PLPP3: variants seen among roughly 807,000 people sequenced by gnomAD.
The protein encoded by PLPP3 is PAP2 beta.
A neutral mutation model predicts 29.6 loss-of-function variants in PLPP3; 6 were observed. The observed-to-expected ratio is 0.20, with a 90% CI of 0.11 to 0.40. The LOEUF (loss-of-function observed/expected upper bound fraction) is 0.40. Ranked by LOEUF, PLPP3 falls within the 10% of genes least tolerant of loss-of-function variation. The pLI, the probability that PLPP3 is intolerant of heterozygous loss-of-function variation, is 1.00. For synonymous variants in PLPP3, 152 were observed against 159.7 expected, an observed-to-expected ratio of 0.95 and a Z score of 0.36; for missense variants, 308 against 407.7, an observed-to-expected ratio of 0.76 and a Z score of 2.11.
chr1:56,501,285 A>G (rs1645666396), intron 5 of PLPP3, among the ~76,000 whole-genome samples: 2 of 152,116 alleles, frequency 1.3e-5, no homozygotes, highest in African/African-American at 4.8e-5. Flanking sequence ...AAATCTTTGC[A>G]CTTATTCCCA....
chr1:56,499,459 C>T (rs1645651938), intron 5 of PLPP3, among the ~76,000 whole-genome samples: 1 of 152,122 alleles, frequency 6.6e-6, no homozygotes, highest in Non-Finnish European at 1.5e-5. Flanking sequence ...AGCTTTGAGC[C>T]CTGTACACAA....
intron 1 of PLPP3, among the ~76,000 whole-genome samples, chr1:56,557,022 G>GAAGGAAAGAAAGAAA (rs1366799695): frequency 7.7e-5 from 1 of 13,058 alleles, no homozygotes; most frequent in African/African-American, 2.0e-4. Context: ...GAGAGAGAGA[G>GAAGGAAAGAAAGAAA]AGAAAGAGAG....
chr1:56,565,610 A>G (rs555633714), intron 1 of PLPP3, among the ~76,000 whole-genome samples: 47 of 152,128 alleles, frequency 3.1e-4, no homozygotes, highest in Admixed American at 2.3e-3. Context: ...TATTAGAGAC[A>G]GGGTTTCACC....
intron 1 of PLPP3, among the ~76,000 whole-genome samples, chr1:56,567,179 C>A (rs1197759898): frequency 1.3e-5 from 2 of 152,116 alleles, no homozygotes; most frequent in Admixed American, 6.5e-5. Context: ...TAGCTGACCA[C>A]CCAGCATCGA....
At chr1:56,547,118 A>AT (rs1482081329) in intron 1 of PLPP3, among the ~76,000 whole-genome samples, 1 of 152,200 alleles carries the variant, frequency 6.6e-6, no homozygotes, top group African/African-American at 2.4e-5. Context: ...TCTTAATGTC[A>AT]TTTGTTTTCA....
intron 2 of PLPP3, among the ~76,000 whole-genome samples, chr1:56,530,562 C>T (rs1193355988): frequency 1.3e-5 from 2 of 152,218 alleles, no homozygotes; most frequent in Non-Finnish European, 2.9e-5. Context: ...ATCTTAGACT[C>T]CTTCCTCTCC....
intron 1 of PLPP3, among the ~76,000 whole-genome samples, chr1:56,545,926 C>T (rs1646002771): frequency 6.6e-6 from 1 of 152,086 alleles, no homozygotes. Flanking sequence ...CCTGCAAGAA[C>T]AAAATCACCC....
In PLPP3 at chr1:56,578,940, G is replaced by A. The variant is rs1265429227; in HGVS notation, c.77C>T (p.Pro26Leu). ...NGGSPALNNN[P>L]RRSGSKRVLL... ...CACCCGCTTGCTGCCGCTCCTCCTC[G>A]GGTTGTTGTTGAGCGCCGGGCTGCC... Residue 26 changes from proline (P) to leucine (L), a missense_variant, in exon 1 of 6, where the codon CCG becomes CTG. By Grantham distance (98) the Pro-to-Leu change is moderately conservative. Transcript: ENST00000371250. The A allele has an allele frequency of 1.9e-6, 3 of 1,606,134 alleles. No individual in the cohort carries two copies. Among genetic ancestry groups the A allele is most frequent in the South Asian group, 2.2e-5 (2 of 90,704 alleles).
chr1:56,552,605 A>T (rs1412147814), intron 1 of PLPP3, among the ~76,000 whole-genome samples: 2 of 152,172 alleles, frequency 1.3e-5, no homozygotes, highest in African/African-American at 4.8e-5. Context: ...TGGTTCTCAT[A>T]GAAAAATTGA....
chr1:56,530,582 T>C (rs1281487430), intron 2 of PLPP3, among the ~76,000 whole-genome samples: 1 of 152,212 alleles, frequency 6.6e-6, no homozygotes, highest in Non-Finnish European at 1.5e-5. Flanking sequence ...CCTTATCCCA[T>C]TGTCCATCCG....
At chr1:56,533,346 C>G (rs942060951) in intron 2 of PLPP3, among the ~76,000 whole-genome samples, 1 of 152,074 alleles carries the variant, frequency 6.6e-6, no homozygotes, top group Non-Finnish European at 1.5e-5. Context: ...TTTGCCTGCT[C>G]GAGATGGGGT....
At chr1:56,525,123 C>A (rs1331579598) in intron 2 of PLPP3, among the ~76,000 whole-genome samples, 1 of 152,190 alleles carries the variant, frequency 6.6e-6, no homozygotes, top group Non-Finnish European at 1.5e-5. Context: ...CAGCAATAAT[C>A]TACATCCTCC....
At chr1:56,522,953 A>C (rs958035760) in intron 4 of PLPP3, among the ~76,000 whole-genome samples, 1 of 152,198 alleles carries the variant, frequency 6.6e-6, no homozygotes. Flanking sequence ...TCTGTCCAGC[A>C]GCTGGAGGCA....
In PLPP3 at chr1:56,524,488, A is replaced by G; in HGVS notation, c.364T>C (p.Tyr122His). ...KKSRSTIQNP[Y>H]VAALYKQVGC... The stretch of plus-strand genomic sequence containing the variant: ...ACTTGCTTATAGAGTGCTGCCACGT[A>G]GGGGTTCTGAATCGTCGACCGCGAC... The change falls in exon 3 of 6, where the codon TAC becomes CAC. Residue 122 changes from tyrosine to histidine, a missense_variant. Coordinates refer to ENST00000371250, the MANE Select transcript of PLPP3 (RefSeq NM_003713.5). This position sits in a 1 kb window ranked among gnomAD's most constrained non-coding sequence, Gnocchi z 4.3. The G allele has an allele frequency of 6.2e-7, 1 of 1,613,996 alleles. No homozygotes were observed. Among genetic ancestry groups the G allele is most frequent in the Non-Finnish European group, 8.5e-7 (1 of 1,179,874 alleles).
chr1:56,531,721 G>C (rs1217071561), intron 2 of PLPP3, among the ~76,000 whole-genome samples: 1 of 152,214 alleles, frequency 6.6e-6, no homozygotes, highest in Non-Finnish European at 1.5e-5. Flanking sequence ...AACAGATCTA[G>C]GTTTTAATTC....
At chr1:56,554,503 C>A (rs1010530333) in intron 1 of PLPP3, among the ~76,000 whole-genome samples, 1 of 149,030 alleles carries the variant, frequency 6.7e-6, no homozygotes, top group Non-Finnish European at 1.5e-5. Context: ...ACCCGGGAGG[C>A]GGAGCTTGCA....
chr1:56,538,959 C>CAAAAAAAAAAAAGAAAAAAAAA (rs752979162), intron 1 of PLPP3: 1 of 96,526 alleles, frequency 1.0e-5, no homozygotes, highest in Non-Finnish European at 2.0e-5. Context: ...TTCTGGGCTG[C>CAAAAAAAAAAAAGAAAAAAAAA]AAAAAAAAAA....
intron 1 of PLPP3, among the ~76,000 whole-genome samples, chr1:56,566,308 G>C (rs899512646): frequency 6.6e-6 from 1 of 152,196 alleles, no homozygotes; most frequent in Non-Finnish European, 1.5e-5. Context: ...GTAGGGCCTA[G>C]TAGTTAAGAA....
intron 1 of PLPP3, among the ~76,000 whole-genome samples, chr1:56,557,070 GAAAGAAA>G (rs1646088362): frequency 1.5e-5 from 2 of 130,246 alleles, no homozygotes; most frequent in Non-Finnish European, 3.3e-5. Flanking sequence ...AAGAAAGAAA[GAAAGAAA>G]AAATGAGAGA....
Sources: gnomAD v4.1 joint callset for allele counts (sites outside exome capture counted in the v4.1 genomes callset) on GRCh38, gnomAD v4.1.1 for gene constraint, Gnocchi (gnomAD v3.1) non-coding constraint, MANE v1.5 for transcripts, NCBI Gene and HGNC (gene_info 2026-07-23, HGNC 2026-07-21) for gene names.